ABCG8: variants seen among roughly 807,000 people sequenced by gnomAD.
ABCG8 encodes the protein ATP binding cassette subfamily G member 8, also known as ATP-binding cassette sub-family G member 8.
In ABCG8, 81 loss-of-function variants were observed where a neutral mutation model predicts 71.3. The observed-to-expected ratio is 1.14, with a 90% confidence interval of 0.95 to 1.37. ABCG8 has a LOEUF of 1.37. Among genes scored for constraint, ABCG8 ranks in the 40% most tolerant of loss-of-function variants. The pLI is 0.00. For synonymous variants in ABCG8, 451 were observed against 354.7 expected, an observed-to-expected ratio of 1.27 and a Z score of -3.05; for missense variants, 1,119 against 866.2, an observed-to-expected ratio of 1.29 and a Z score of -3.66.
rs554557598 is a variant in ABCG8 at position 43,844,612 on chromosome 2, G to C, written c.165+4G>C. ...GGTCAGAGACCTCAACTACCAGGTA[G>C]AGGCACGCCTGGGTTCAAGGGGAGA... On this transcript the variant is annotated splice_donor_region_variant and intron_variant, in intron 2 of 12. Transcript: ENST00000272286. 6.2e-7 allele frequency: 1 copy of C among 1,608,946 alleles called. No homozygotes were observed. The highest frequency in any genetic ancestry group is 8.5e-7 in the Non-Finnish European group (1 of 1,175,360).
chr2:43,859,062 CACTA>C (rs1669212979), intron 6 of ABCG8, among the ~76,000 whole-genome samples: 1 of 151,508 alleles, frequency 6.6e-6, no homozygotes, highest in Non-Finnish European at 1.5e-5. Flanking sequence ...ATAGAACTCT[CACTA>C]TCTGTCTGGA....
intron 6 of ABCG8, among the ~76,000 whole-genome samples, chr2:43,857,093 G>A (rs1669137831): frequency 7.4e-6 from 1 of 134,604 alleles, no homozygotes. Context: ...AATTCTATCT[G>A]TCTGGTTAGA....
At position 43,875,162 on chromosome 2, in the gene ABCG8, C is replaced by A. The variant is rs761153163; in HGVS notation, c.1505C>A (p.Pro502Gln). The A allele has an allele frequency of 6.2e-7, 1 of 1,614,218 alleles. No homozygotes were observed. Among genetic ancestry groups the A allele is most frequent in the Non-Finnish European group, 8.5e-7 (1 of 1,180,044 alleles). The change falls in exon 11 of 13, where the codon CCG (proline) becomes CAG (glutamine). Residue 502 changes from proline (P) to glutamine (Q), a missense_variant. Pro to Gln is a moderately conservative substitution (Grantham distance 76, BLOSUM62 -1). Transcript: ENST00000272286. ...YFFAKILGEL[P>Q]EHCAYIIIYG... ...TCTTTGCAGATCCTCGGGGAGCTTC[C>A]GGAGCACTGTGCCTACATCATCATC...
intron 6 of ABCG8, among the ~76,000 whole-genome samples, chr2:43,858,661 C>T (rs1480959082): frequency 7.0e-6 from 1 of 143,442 alleles, no homozygotes; most frequent in Admixed American, 6.9e-5. Flanking sequence ...ACTTTCACTA[C>T]CTGTCTGGAT....
Position 43,874,579 on chromosome 2 carries a change from T to TG in ABCG8, c.1488+100dup. On this transcript the variant is annotated intron_variant, in intron 10 of 12. Transcript: ENST00000272286. ...CTACAAGGAAGGCTTTTCTGAACCA[T>TG]GGGGCCGTGGGTCATGTGAAGTCAC... 27 of 990,388 alleles carry TG rather than the reference T, an allele frequency of 2.7e-5. 2 individuals carry two copies. In the South Asian group the frequency reaches 3.4e-4, roughly 13 times the overall value. 61.4% of individuals were successfully genotyped at this position (990,388 alleles called of 1,614,324 possible). A position where few individuals can be genotyped will look rare whatever the true frequency, so the allele number is the denominator to read the frequency against.
chr2:43,859,933 C>A lies in ABCG8; in HGVS notation c.964+7065C>A, dbSNP rs1041776280. Among the ~76,000 whole-genome samples, 11 of 150,888 alleles carry A rather than the reference C, an allele frequency of 7.3e-5. No individual in the cohort carries two copies. In the East Asian group the frequency reaches 1.2e-3, roughly 16 times the overall value. On this transcript the variant is annotated intron_variant, in intron 6 of 12. Transcript: ENST00000272286. The stretch of plus-strand genomic sequence containing the variant: ...TCTGGATAGATCTCTCATTATCTGT[C>A]TGGAGAGAATACTCATTCTCTGGAT...
At chr2:43,859,422 C>T (rs1294143222) in intron 6 of ABCG8, among the ~76,000 whole-genome samples, 1 of 150,230 alleles carries the variant, frequency 6.7e-6, no homozygotes, top group Non-Finnish European at 1.5e-5. Flanking sequence ...TCTCACTCTG[C>T]ATAGAACTCT....
intron 6 of ABCG8, among the ~76,000 whole-genome samples, chr2:43,867,467 C>G (rs962926691): frequency 3.9e-5 from 6 of 152,090 alleles, no homozygotes; most frequent in African/African-American, 1.4e-4. Flanking sequence ...GGATAGAACT[C>G]TCACTATCTA....
intron 6 of ABCG8, among the ~76,000 whole-genome samples, chr2:43,865,027 A>ACTAT (rs1553381365): frequency 6.9e-6 from 1 of 145,202 alleles, no homozygotes; most frequent in Non-Finnish European, 1.5e-5. Context: ...TACAACTCTC[A>ACTAT]CTATCTGGAT....
At chr2:43,876,503 C>A (rs1211138497) in intron 11 of ABCG8, among the ~76,000 whole-genome samples, 2 of 151,340 alleles carry the variant, frequency 1.3e-5, no homozygotes, top group Non-Finnish European at 2.9e-5. Context: ...AGGAGGAGAC[C>A]GTGGGAATAT....
At position 43,882,302 on chromosome 2, in the gene ABCG8, C is replaced by T. The variant is rs1670154273; in HGVS notation, c.*4389C>T. On this transcript the variant is annotated 3_prime_UTR_variant, in exon 13 of 13. Coordinates refer to ENST00000272286, the MANE Select transcript of ABCG8 (RefSeq NM_022437.3). ...TGATCCCAAATTAAACAACTAGCAA[C>T]AGAAATGTTCAAATCTGTCAAATCC... 2 of 152,188 alleles carry T rather than the reference C, an allele frequency of 1.3e-5. No individual in the cohort carries two copies. The highest frequency in any genetic ancestry group is 1.3e-4 in the Admixed American group (2 of 15,278). The allele number at this position is 152,188 out of a possible 1,614,324, so 9.4% of individuals were successfully genotyped here.
chr2:43,852,537 A>AGGCTT, intron 5 of ABCG8, 51 bp downstream of exon 5: 1 of 1,613,980 alleles, frequency 6.2e-7, no homozygotes, highest in Non-Finnish European at 8.5e-7. Context: ...CGGTCCCCTC[A>AGGCTT]GGCTTGGCTT....
chr2:43,844,619 G>A lies in ABCG8; in HGVS notation c.165+11G>A, dbSNP rs756466745. The A allele has an allele frequency of 6.9e-6, 11 of 1,600,386 alleles. No individual in the cohort carries two copies. Among genetic ancestry groups the A allele is most frequent in the South Asian group, 3.3e-5 (3 of 90,726 alleles). On this transcript the variant is annotated intron_variant, in intron 2 of 12. Transcript: ENST00000272286. ...GACCTCAACTACCAGGTAGAGGCACGCCTGGGTTCAAGGGGAGAGGAGCAG... is the reference window on the plus strand; with the variant it reads ...GACCTCAACTACCAGGTAGAGGCACACCTGGGTTCAAGGGGAGAGGAGCAG...
chr2:43,871,592 C>T (rs1167886394), intron 6 of ABCG8, among the ~76,000 whole-genome samples: 1 of 151,952 alleles, frequency 6.6e-6, no homozygotes, highest in Non-Finnish European at 1.5e-5. Context: ...TTAAAGCTTC[C>T]TGGACAGCTG....
Position 43,877,815 on chromosome 2 carries a change from G to A in ABCG8, c.1924G>A (p.Ala642Thr), listed in dbSNP as rs113005049. Reference sequence around the variant, plus strand: ...GGAGCTGGACTCGTACCCTCTCTACGCCATCTACCTCATCGTCATTGGCCT... The same window carrying A: ...GGAGCTGGACTCGTACCCTCTCTACACCATCTACCTCATCGTCATTGGCCT... ...VMELDSYPLYAIYLIVIGLSG... is the reference protein window; with the variant it reads ...VMELDSYPLYTIYLIVIGLSG... Residue 642 changes from alanine to threonine, a missense_variant, in exon 13 of 13, where the codon GCC (alanine) becomes ACC (threonine). Ala to Thr is a moderately conservative substitution (Grantham distance 58). Coordinates refer to ENST00000272286, the MANE Select transcript of ABCG8 (RefSeq NM_022437.3). 8.8e-4 allele frequency: 1,418 copies of A among 1,613,950 alleles called. 4 individuals carry two copies. The highest frequency in any genetic ancestry group is 1.6e-3 in the South Asian group (145 of 91,070).
At chr2:43,873,714 G>A (rs1307260693) in intron 8 of ABCG8, 73 bp from the exon 9 acceptor site, 1 of 1,484,098 alleles carries the variant, frequency 6.7e-7, no homozygotes, top group African/African-American at 1.4e-5. Context: ...GGCTTATGGA[G>A]ACTGTGACAT....
chr2:43,853,351 G>A (rs998281953), intron 6 of ABCG8, among the ~76,000 whole-genome samples: 4 of 152,164 alleles, frequency 2.6e-5, no homozygotes, highest in African/African-American at 9.7e-5. Flanking sequence ...GCAGCCCCAG[G>A]CTTGCCCTTT....
chr2:43,842,012 G>A (rs1374793003), intron 1 of ABCG8, among the ~76,000 whole-genome samples: 3 of 125,706 alleles, frequency 2.4e-5, no homozygotes, highest in African/African-American at 8.6e-5. Context: ...AAATGGATAA[G>A]ATTTTTTTTT....
intron 3 of ABCG8, among the ~76,000 whole-genome samples, chr2:43,850,220 C>T (rs1434772860): frequency 6.6e-6 from 1 of 151,974 alleles, no homozygotes; most frequent in African/African-American, 2.4e-5. Context: ...AACAAGCAAA[C>T]AAGCAGAAAA....
Sources: allele counts gnomAD v4.1 joint callset (sites outside exome capture counted in the v4.1 genomes callset), GRCh38; gene constraint gnomAD v4.1.1; transcripts MANE v1.5; gene names NCBI Gene and HGNC (gene_info 2026-07-23, HGNC 2026-07-21).